The following PIGQ variants were observed in gnomAD, a reference collection of about 807,000 sequenced individuals.
The protein encoded by PIGQ is phosphatidylinositol N-acetylglucosaminyltransferase subunit Q.
Under a neutral mutation model 60.3 loss-of-function variants are expected in PIGQ, and 54 were observed. The ratio of observed to expected loss-of-function variants is 0.90; its 90% confidence interval spans 0.72 to 1.12. The LOEUF is 1.12. PIGQ is among the 50% of genes most tolerant of loss of function. The probability of loss-of-function intolerance (pLI) is 0.00; values close to 1 mark genes in which losing one functional copy is unlikely to be tolerated. For synonymous variants in PIGQ, 416 were observed against 363.7 expected (o/e 1.14, Z -1.64); for missense variants, 799 against 793.5 (o/e 1.01, Z -0.08).
chr16:575,758 G>A, intron 2 of PIGQ, 81 bp from the exon 3 acceptor site: 2 of 1,430,878 alleles, frequency 1.4e-6, no homozygotes, highest in African/African-American at 1.4e-5. Context: ...TGGCCTGGGT[G>A]TTTGTGGTCC....
rs777579910 is a variant in PIGQ, at chr16:574,415, C to T, written c.341C>T (p.Ala114Val). The T allele has an allele frequency of 3.4e-5, 54 of 1,610,526 alleles. 1 individual carries two copies. The highest frequency in any genetic ancestry group is 6.7e-5 in the Admixed American group (4 of 59,734). Residue 114 changes from alanine (A) to valine (V), a missense_variant, in exon 2 of 11, where the codon GCG (alanine) becomes GTG (valine). By Grantham distance (64) the Ala-to-Val change is moderately conservative. Coordinates refer to ENST00000321878, the MANE Select transcript of PIGQ (RefSeq NM_004204.5). ...FWSCEATHRQ[A>V]PTAPGAPGED... is the part of the protein sequence containing the mutation. Reference sequence around the variant, plus strand: ...AGCTGCGAGGCCACCCACCGGCAAGCGCCCACTGCCCCCGGTGCCCCTGGT... The same window carrying T: ...AGCTGCGAGGCCACCCACCGGCAAGTGCCCACTGCCCCCGGTGCCCCTGGT...
At chr16:577,419 TACA>T (rs774445578) in intron 4 of PIGQ, among the ~76,000 whole-genome samples, 354 of 151,798 alleles carry the variant, frequency 2.3e-3, no homozygotes, top group Non-Finnish European at 4.4e-3. Flanking sequence ...CTACTAAAAA[TACA>T]AAAAATTAGC....
chr16:580,374 C>G, intron 8 of PIGQ, 111 bp downstream of exon 8: 1 of 783,728 alleles, frequency 1.3e-6, no homozygotes, highest in East Asian at 2.5e-5. Context: ...CTGCAGGCCA[C>G]GTGGGTGGCC....
intron 1 of PIGQ, 143 bp downstream of exon 1, chr16:570,239 C>G (rs2035598940): frequency 6.6e-6 from 1 of 151,962 alleles, no homozygotes; most frequent in Non-Finnish European, 1.5e-5. Flanking sequence ...GGGCCCGCGC[C>G]GACCTGGGCC....
intron 1 of PIGQ, 113 bp downstream of exon 1, chr16:570,209 C>T (rs938279560): frequency 1.3e-5 from 2 of 151,888 alleles, no homozygotes; most frequent in African/African-American, 2.4e-5. Context: ...CTTTCTCCTC[C>T]CAGAAGTGGG....
At chr16:578,969 C>G (rs775099481) in intron 6 of PIGQ, 31 bp downstream of exon 6, 1 of 1,586,666 alleles carries the variant, frequency 6.3e-7, no homozygotes, top group Non-Finnish European at 8.6e-7. Flanking sequence ...CCCCACCGCC[C>G]CCTGGGAGGT....
chr16:582,378 G>A, intron 10 of PIGQ, 69 bp downstream of exon 10: 1 of 1,202,910 alleles, frequency 8.3e-7, no homozygotes, highest in Admixed American at 2.1e-5. Flanking sequence ...GGTCAGCTGG[G>A]TGTAGTGTCT....
intron 1 of PIGQ, among the ~76,000 whole-genome samples, chr16:571,619 T>C (rs1596380888): frequency 6.9e-6 from 1 of 145,034 alleles, no homozygotes; most frequent in Non-Finnish European, 1.5e-5. Flanking sequence ...CCCGTGTGTG[T>C]GTGTGTGTGT....
intron 7 of PIGQ, chr16:579,975 C>A (rs1345643431): frequency 1.1e-5 from 5 of 465,512 alleles, no homozygotes; most frequent in Admixed American, 3.7e-5. Flanking sequence ...GTCTGGCCCC[C>A]ACCTGTCTCC....
chr16:580,258 A>G lies in PIGQ; in HGVS notation c.1411A>G (p.Thr471Ala). ...PTTALYYLVF[T>A]LLRLLVVAVQ... ...CACAGCCCTGTACTACCTGGTGTTC[A>G]CCCTGGTGAGCTGAGCACCCACAGG... Residue 471 changes from threonine (T) to alanine (A), a missense_variant, in exon 8 of 11, where the codon ACC (threonine) becomes GCC (alanine). By Grantham distance (58) the Thr-to-Ala change is moderately conservative. Coordinates refer to ENST00000321878, the MANE Select transcript of PIGQ (RefSeq NM_004204.5). 1 of 1,608,334 alleles carries G rather than the reference A, an allele frequency of 6.2e-7. No individual in the cohort carries two copies.
chr16:583,452 G>T lies in PIGQ; in HGVS notation c.*417G>T. 6.2e-7 allele frequency: 1 copy of T among 1,612,724 alleles called. No homozygotes were observed. Among genetic ancestry groups the T allele is most frequent in the Non-Finnish European group, 8.5e-7 (1 of 1,179,946 alleles). On this transcript the variant is annotated 3_prime_UTR_variant, in exon 11 of 11. Coordinates refer to ENST00000321878, the MANE Select transcript of PIGQ (RefSeq NM_004204.5). ...TGGCTCTGCCCTGGCTGTGGGGGTG[G>T]AGGGACCTTGCCAGGATGAACCCCC... is the stretch of plus-strand genomic sequence containing the variant.
chr16:578,531 C>T, intron 5 of PIGQ, 26 bp downstream of exon 5: 1 of 1,604,606 alleles, frequency 6.2e-7, no homozygotes, highest in Admixed American at 1.7e-5. Flanking sequence ...GCGGGGGCCC[C>T]AGGGACCCCA....
chr16:583,539 C>A lies in PIGQ; in HGVS notation c.*504C>A, dbSNP rs1319757810. 4.3e-6 allele frequency: 7 copies of A among 1,612,490 alleles called. No homozygotes were observed. Among genetic ancestry groups the A allele is most frequent in the Non-Finnish European group, 5.9e-6 (7 of 1,179,708 alleles). ...GCACCCTGCATCTGGGGGATTGAAG[C>A]AGTCGCTGACCCCCGTCCCCAGCGG... On this transcript the variant is annotated 3_prime_UTR_variant, in exon 11 of 11. Transcript: ENST00000321878.
chr16:573,897 C>T (rs979926225), intron 1 of PIGQ, among the ~76,000 whole-genome samples, 169 bp from the exon 2 acceptor site: 1 of 152,180 alleles, frequency 6.6e-6, no homozygotes, highest in Non-Finnish European at 1.5e-5. Flanking sequence ...ATGGCCCACG[C>T]GAGGCGGCAG....
At chr16:575,028 C>A (rs868665663) in intron 2 of PIGQ, among the ~76,000 whole-genome samples, 1 of 152,160 alleles carries the variant, frequency 6.6e-6, no homozygotes, top group Non-Finnish European at 1.5e-5. Context: ...GAGGGTGAAC[C>A]TCAGTGGCTT....
Position 580,986 on chromosome 16 carries a change from A to G in PIGQ, c.1531+14A>G, listed in dbSNP as rs371482972. 7 of 1,545,712 alleles carry G rather than the reference A, an allele frequency of 4.5e-6. No homozygotes were observed. Among genetic ancestry groups the G allele is most frequent in the South Asian group, 1.1e-5 (1 of 89,736 alleles). ...ACAGGCTGGCGGGTAAGTGCTGCGT[A>G]TTGGGCAGCTGGCCCTGGGTAGGTG... On this transcript the variant is annotated intron_variant, in intron 9 of 10. Coordinates refer to ENST00000321878, the MANE Select transcript of PIGQ (RefSeq NM_004204.5).
chr16:571,361 G>A (rs2035622058), intron 1 of PIGQ, among the ~76,000 whole-genome samples: 1 of 105,720 alleles, frequency 9.5e-6, no homozygotes, highest in Admixed American at 1.1e-4. Flanking sequence ...TGTGTGTCTG[G>A]CTAGCCTGGG....
chr16:571,122 TGCCC>T (rs1567173474), intron 1 of PIGQ, among the ~76,000 whole-genome samples: 55 of 1,594 alleles, frequency 0.035, no homozygotes, highest in Non-Finnish European at 0.044. Flanking sequence ...GCTAGCCTGG[TGCCC>T]GTGTGTGTGT....
At chr16:573,307 T>C (rs1474026969) in intron 1 of PIGQ, among the ~76,000 whole-genome samples, 3 of 152,216 alleles carry the variant, frequency 2.0e-5, no homozygotes, top group South Asian at 2.1e-4. Context: ...TGGAGAAATA[T>C]ATCCTGGAGA....
Sources: gnomAD v4.1 joint callset for allele counts (sites outside exome capture counted in the v4.1 genomes callset) on GRCh38, gnomAD v4.1.1 for gene constraint, MANE v1.5 for transcripts, NCBI Gene and HGNC (gene_info 2026-07-23, HGNC 2026-07-21) for gene names.